C1orf159: variants seen among roughly 807,000 people sequenced by gnomAD.
C1orf159 encodes the protein uncharacterized protein C1orf159.
C1orf159 carries 19 observed loss-of-function variants against 25.6 expected under a neutral mutation model. The ratio of observed to expected loss-of-function variants is 0.74; its 90% confidence interval spans 0.52 to 1.09. C1orf159 has a LOEUF of 1.09. C1orf159 is among the 50% of genes least tolerant of loss of function. The probability of loss-of-function intolerance (pLI) is 0.00; values close to 1 mark genes in which losing one functional copy is unlikely to be tolerated. For missense variants in C1orf159, 274 were observed against 290.6 expected (o/e 0.94, Z 0.42); for synonymous variants, 139 against 124.7 (o/e 1.12, Z -0.77).
chr1:1,103,337 T>C (rs1200857909), intron 1 of C1orf159, among the ~76,000 whole-genome samples: 5 of 152,248 alleles, frequency 3.3e-5, no homozygotes, highest in African/African-American at 9.6e-5. Flanking sequence ...TCTGTTGTCT[T>C]TCCCTTCGAG....
chr1:1,082,806 G>T lies in C1orf159; in HGVS notation c.*87C>A. ...CCCAGGACTGTCCCGGGCGCCGGGC[G>T]ATGCCAACACTTTGTGCTGGTTCCC... is the stretch of plus-strand genomic sequence containing the variant. On this transcript the variant is annotated 3_prime_UTR_variant, in exon 10 of 10. Transcript: ENST00000421241. The T allele has an allele frequency of 8.0e-7, 1 of 1,248,242 alleles. No individual in the cohort carries two copies. Among genetic ancestry groups the T allele is most frequent in the African/African-American group, 1.5e-5 (1 of 67,138 alleles). 77.3% of individuals were successfully genotyped at this position (1,248,242 alleles called of 1,614,324 possible). A position where few individuals can be genotyped will look rare whatever the true frequency, so the allele number is the denominator to read the frequency against.
At position 1,087,077 on chromosome 1, in the gene C1orf159, G is replaced by A; in HGVS notation, c.310+62C>T. 1 of 1,504,042 alleles carries A rather than the reference G, an allele frequency of 6.6e-7. No individual in the cohort carries two copies. The allele number at this position is 1,504,042 out of a possible 1,614,324, so 93.2% of individuals were successfully genotyped here. Reference sequence around the variant, plus strand: ...GCGTCAAGGGTGAGGGTCTGCACTGGCTCCGACGGCCCCCAGCCCCCAGGA... The same window carrying A: ...GCGTCAAGGGTGAGGGTCTGCACTGACTCCGACGGCCCCCAGCCCCCAGGA... On this transcript the variant is annotated intron_variant, in intron 6 of 9. Transcript: ENST00000421241. This position sits in a 1 kb window ranked among gnomAD's most constrained non-coding sequence, Gnocchi z 8.3.
chr1:1,090,576 T>G, intron 3 of C1orf159, 148 bp from the exon 4 acceptor site: 2 of 843,162 alleles, frequency 2.4e-6, no homozygotes, highest in Non-Finnish European at 3.8e-6. Flanking sequence ...TGGCCCTCTG[T>G]CCCCTGTGGG....
intron 1 of C1orf159, among the ~76,000 whole-genome samples, chr1:1,103,661 G>A (rs1243276574): frequency 6.6e-6 from 1 of 152,058 alleles, no homozygotes; most frequent in Non-Finnish European, 1.5e-5. Flanking sequence ...TCTCTTTTTC[G>A]AGGAGCTATG....
At chr1:1,115,413 C>G (rs1351506025) in intron 1 of C1orf159, among the ~76,000 whole-genome samples, 1 of 152,080 alleles carries the variant, frequency 6.6e-6, no homozygotes, top group African/African-American at 2.4e-5. Context: ...CGCGCCGGTG[C>G]CCCCACTCCC....
intron 1 of C1orf159, among the ~76,000 whole-genome samples, chr1:1,094,733 A>G (rs1179018979): frequency 6.6e-6 from 1 of 152,124 alleles, no homozygotes; most frequent in Non-Finnish European, 1.5e-5. Flanking sequence ...ACATCTTTTG[A>G]AGAGCAAATG....
chr1:1,091,048 GCC>G, intron 3 of C1orf159: 3 of 1,323,862 alleles, frequency 2.3e-6, no homozygotes, highest in Admixed American at 4.2e-5. Flanking sequence ...AATCCACACC[GCC>G]AGGGAGGGGC....
Position 1,087,094 on chromosome 1 carries a change from C to T in C1orf159, c.310+45G>A. 2 of 1,572,518 alleles carry T rather than the reference C, an allele frequency of 1.3e-6. No homozygotes were observed. The highest frequency in any genetic ancestry group is 1.1e-5 in the South Asian group (1 of 89,046). ...CTGCACTGGCTCCGACGGCCCCCAG[C>T]CCCCAGGACACCGGCAGAGGTGGCT... is the stretch of plus-strand genomic sequence containing the variant. On this transcript the variant is annotated intron_variant, in intron 6 of 9. Coordinates refer to ENST00000421241, the MANE Select transcript of C1orf159 (RefSeq NM_017891.5). The surrounding 1 kb of genome is among the most constrained non-coding windows in gnomAD (Gnocchi z 8.3).
intron 3 of C1orf159, chr1:1,090,849 A>G (rs974843195): frequency 2.0e-6 from 3 of 1,530,380 alleles, no homozygotes; most frequent in Non-Finnish European, 2.7e-6. Flanking sequence ...CAGGTACTGC[A>G]CAGGTGCGCT....
At chr1:1,108,113 C>T (rs1381665438) in intron 1 of C1orf159, among the ~76,000 whole-genome samples, 1 of 150,758 alleles carries the variant, frequency 6.6e-6, no homozygotes, top group African/African-American at 2.4e-5. Context: ...CATGTCTCAG[C>T]ACTGTTCACC....
At chr1:1,098,290 T>C (rs6604966) in intron 1 of C1orf159, among the ~76,000 whole-genome samples, 41,886 of 151,774 alleles carry the variant, frequency 0.28, 7,624 homozygotes, top group African/African-American at 0.53. Context: ...AGGATAGTCT[T>C]GAACTCCTGT....
rs148479030 is a variant in C1orf159 at position 1,089,621 on chromosome 1, C to T, written c.148+732G>A. Reference sequence around the variant, plus strand: ...CCTCCTCACGAGGCCCCTGAGTCCCCAGGAGCAGCCCTTCTGGGTTCTTCC... The same window carrying T: ...CCTCCTCACGAGGCCCCTGAGTCCCTAGGAGCAGCCCTTCTGGGTTCTTCC... On this transcript the variant is annotated intron_variant, in intron 4 of 9. Coordinates refer to ENST00000421241, the MANE Select transcript of C1orf159 (RefSeq NM_017891.5). This position sits in a 1 kb window ranked among gnomAD's most constrained non-coding sequence, Gnocchi z 7.5. 4.6e-5 allele frequency among the ~76,000 whole-genome samples: 7 copies of T among 152,284 alleles called. No individual in the cohort carries two copies. Among genetic ancestry groups the T allele is most frequent in the Non-Finnish European group, 1.0e-4 (7 of 67,998 alleles).
At chr1:1,095,262 T>C (rs899251663) in intron 1 of C1orf159, among the ~76,000 whole-genome samples, 1 of 152,262 alleles carries the variant, frequency 6.6e-6, no homozygotes, top group Non-Finnish European at 1.5e-5. Flanking sequence ...TGCTGCGATT[T>C]TGACTGGCAG....
In C1orf159 at chr1:1,087,718, T is replaced by C. The variant is rs1645854284; in HGVS notation, c.149-121A>G. 1 of 780,636 alleles carries C rather than the reference T, an allele frequency of 1.3e-6. No individual in the cohort carries two copies. The highest frequency in any genetic ancestry group is 1.7e-5 in the African/African-American group (1 of 57,792). The allele number at this position is 780,636 out of a possible 1,614,324, so 48.4% of individuals were successfully genotyped here. A position where few individuals can be genotyped will look rare whatever the true frequency, so the allele number is the denominator to read the frequency against. On this transcript the variant is annotated intron_variant, in intron 4 of 9. Transcript: ENST00000421241. The surrounding 1 kb of genome is among the most constrained non-coding windows in gnomAD (Gnocchi z 8.3). ...TTTCATTCCAGATACTAACATGCTC[T>C]GGAGGGTAGGTGGGCGGCAGACAAG...
intron 1 of C1orf159, among the ~76,000 whole-genome samples, chr1:1,105,420 C>T (rs1436513098): frequency 6.6e-6 from 1 of 151,990 alleles, no homozygotes; most frequent in Non-Finnish European, 1.5e-5. Flanking sequence ...GTGGGAGGAT[C>T]GCTTGAGTCC....
chr1:1,091,178 C>T (rs775911052), intron 3 of C1orf159: 17 of 617,508 alleles, frequency 2.8e-5, no homozygotes, highest in South Asian at 2.0e-4. Flanking sequence ...ATGCGCGGCA[C>T]GCTGTGCTGT....
chr1:1,088,803 C>T (rs938280522), intron 4 of C1orf159, among the ~76,000 whole-genome samples: 6 of 152,120 alleles, frequency 3.9e-5, no homozygotes, highest in Admixed American at 6.5e-5. Flanking sequence ...GGGGACCCCG[C>T]GGTGGAGAGT....
chr1:1,092,231 G>A (rs1046330968), intron 1 of C1orf159, 128 bp from the exon 2 acceptor site: 6 of 277,768 alleles, frequency 2.2e-5, no homozygotes, highest in Non-Finnish European at 4.4e-5. Context: ...CCTGGCTGTC[G>A]AGCAGGGCGT....
At chr1:1,099,867 G>A (rs985456025) in intron 1 of C1orf159, among the ~76,000 whole-genome samples, 53 of 152,024 alleles carry the variant, frequency 3.5e-4, no homozygotes, top group Admixed American at 6.6e-4. Flanking sequence ...TGGAGAGAGA[G>A]AGGTTAAAAT....
Sources: gnomAD v4.1 joint callset for allele counts (sites outside exome capture counted in the v4.1 genomes callset) on GRCh38, gnomAD v4.1.1 for gene constraint, Gnocchi (gnomAD v3.1) non-coding constraint, MANE v1.5 for transcripts, NCBI Gene and HGNC (gene_info 2026-07-23, HGNC 2026-07-21) for gene names.